Variants in ELP3 observed in about 807,000 individuals in gnomAD.
ELP3 encodes elongator complex protein 3.
Under a neutral mutation model 74.9 loss-of-function variants are expected in ELP3, and 56 were observed. The ratio of observed to expected loss-of-function variants is 0.75; its 90% CI spans 0.60 to 0.93. ELP3 has a LOEUF of 0.93. Ranked by LOEUF, ELP3 falls within the 40% of genes least tolerant of loss-of-function variation. The pLI is 0.00. For missense variants in ELP3, 573 were observed against 686.5 expected, an observed-to-expected ratio of 0.83 and a Z score of 1.85; for synonymous variants, 222 against 239.8, an observed-to-expected ratio of 0.93 and a Z score of 0.68.
chr8:28,163,335 A>T (rs1814175903), intron 14 of ELP3, among the ~76,000 whole-genome samples: 1 of 152,182 alleles, frequency 6.6e-6, no homozygotes, highest in South Asian at 2.1e-4. Flanking sequence ...CTTCTGAGAA[A>T]ATCATCTCTT....
chr8:28,122,710 G>A lies in ELP3; in HGVS notation c.618-6792G>A, dbSNP rs937281933. On this transcript the variant is annotated intron_variant, in intron 7 of 14. Transcript: ENST00000256398. The stretch of plus-strand genomic sequence containing the variant: ...CCCGAGTTAGGGGTTTATCAATTTT[G>A]TTGTTCTTTTCAAAGAAGTAGCTTT... Among the ~76,000 whole-genome samples, 4 of 152,020 alleles carry A rather than the reference G, an allele frequency of 2.6e-5. No individual in the cohort carries two copies. In the South Asian group the frequency reaches 8.3e-4, roughly 32 times the overall value.
rs1008300348 is a variant in ELP3, at chr8:28,189,845, G to A, written c.*120G>A. 1.2e-5 allele frequency: 13 copies of A among 1,084,092 alleles called. No homozygotes were observed. Among genetic ancestry groups the A allele is most frequent in the Admixed American group, 2.1e-5 (1 of 47,034 alleles). 67.2% of individuals were successfully genotyped at this position (1,084,092 alleles called of 1,614,324 possible). A position where few individuals can be genotyped will look rare whatever the true frequency, so the allele number is the denominator to read the frequency against. On this transcript the variant is annotated 3_prime_UTR_variant, in exon 15 of 15. Transcript: ENST00000256398. The stretch of plus-strand genomic sequence containing the variant: ...AAATGGGGGGCTTCACCCTCATCCC[G>A]CAGCTGCAGAGACTGGAAACTGCCT...
rs1329192602 is a variant in ELP3, at chr8:28,110,363, CT to C, written c.394-5del. 6.2e-7 allele frequency: 1 copy of C among 1,612,206 alleles called. No homozygotes were observed. The highest frequency in any genetic ancestry group is 1.7e-5 in the Admixed American group (1 of 59,548). On this transcript the variant is annotated splice_region_variant and splice_polypyrimidine_tract_variant and intron_variant, in intron 5 of 14. Transcript: ENST00000256398. ...AATGTGGGCATAACAATATTTTTCT[CT>C]TCTAGCCAACCTCCATGAGAGCTAT...
intron 14 of ELP3, among the ~76,000 whole-genome samples, chr8:28,172,228 A>G (rs951730077): frequency 6.6e-5 from 10 of 152,094 alleles, no homozygotes; most frequent in Admixed American, 6.6e-4. Flanking sequence ...GAATCTTTAT[A>G]TGGCTTTGGG....
chr8:28,145,879 C>T (rs1813413394), intron 10 of ELP3, among the ~76,000 whole-genome samples: 1 of 152,204 alleles, frequency 6.6e-6, no homozygotes. Context: ...CTGCCTCGGC[C>T]ACCCAAAGTG....
intron 10 of ELP3, among the ~76,000 whole-genome samples, chr8:28,149,181 C>A (rs917714467): frequency 6.6e-6 from 1 of 152,192 alleles, no homozygotes; most frequent in African/African-American, 2.4e-5. Context: ...TAGAGCAGCT[C>A]GAACAGACTC....
intron 10 of ELP3, among the ~76,000 whole-genome samples, chr8:28,141,215 A>G (rs1813225453): frequency 6.6e-6 from 1 of 152,254 alleles, no homozygotes; most frequent in Admixed American, 6.5e-5. Context: ...AGTGAACATT[A>G]TCAGTAATAG....
intron 5 of ELP3, among the ~76,000 whole-genome samples, chr8:28,109,045 TGAGG>T (rs1159020086): frequency 1.3e-5 from 2 of 149,816 alleles, no homozygotes; most frequent in African/African-American, 4.9e-5. Context: ...GTGCAGGGGG[TGAGG>T]GAAGCATGAG....
intron 7 of ELP3, among the ~76,000 whole-genome samples, chr8:28,118,199 C>T (rs925005448): frequency 6.6e-5 from 10 of 152,098 alleles, no homozygotes; most frequent in African/African-American, 2.4e-4. Flanking sequence ...TGTATTGTGA[C>T]CTATGAGTCA....
chr8:28,099,782 C>G, intron 2 of ELP3, 46 bp from the exon 3 acceptor site: 1 of 1,609,856 alleles, frequency 6.2e-7, no homozygotes, highest in Non-Finnish European at 8.5e-7. Context: ...GGTAGCTTGT[C>G]CTTAAATAAC....
intron 1 of ELP3, among the ~76,000 whole-genome samples, chr8:28,095,849 C>T (rs1013421071): frequency 2.6e-5 from 4 of 152,180 alleles, no homozygotes; most frequent in Admixed American, 6.5e-5. Flanking sequence ...CTTCCATCCA[C>T]GCTTTCATTA....
chr8:28,182,909 C>T (rs564378854), intron 14 of ELP3, among the ~76,000 whole-genome samples: 3 of 152,286 alleles, frequency 2.0e-5, no homozygotes, highest in African/African-American at 7.2e-5. Context: ...CCCTGGGTCT[C>T]CTCCGGGTTG....
At chr8:28,126,272 G>C (rs1472979023) in intron 7 of ELP3, among the ~76,000 whole-genome samples, 1 of 152,044 alleles carries the variant, frequency 6.6e-6, no homozygotes, top group African/African-American at 2.4e-5. Context: ...GGTAGCCTTT[G>C]GTTTTTGTTT....
Position 28,113,192 on chromosome 8 carries a change from A to G in ELP3, c.617+19A>G. 3.7e-6 allele frequency: 6 copies of G among 1,607,336 alleles called. No individual in the cohort carries two copies. Among genetic ancestry groups the G allele is most frequent in the Non-Finnish European group, 5.1e-6 (6 of 1,176,498 alleles). ...CAGTCAAGTAAGAAATTCTTATTTT[A>G]TCATAGTCTCCAGAGTGGTTGTCAG... is the stretch of plus-strand genomic sequence containing the variant. On this transcript the variant is annotated intron_variant, in intron 7 of 14. Coordinates refer to ENST00000256398, the MANE Select transcript of ELP3 (RefSeq NM_018091.6).
chr8:28,093,049 G>C (rs1161537639), upstream of ELP3: 1 of 1,139,396 alleles, frequency 8.8e-7, no homozygotes, highest in Non-Finnish European at 1.3e-6. Flanking sequence ...GTTGCAACAC[G>C]GGGCGGGGCG....
At chr8:28,128,370 G>A (rs1214985502) in intron 7 of ELP3, among the ~76,000 whole-genome samples, 1 of 152,122 alleles carries the variant, frequency 6.6e-6, no homozygotes, top group Non-Finnish European at 1.5e-5. Flanking sequence ...TAGCTACTCG[G>A]GAGGCTGAAG....
At chr8:28,149,209 T>C (rs1386260783) in intron 10 of ELP3, among the ~76,000 whole-genome samples, 2 of 152,228 alleles carry the variant, frequency 1.3e-5, no homozygotes, top group African/African-American at 4.8e-5. Flanking sequence ...AGTTTTCTTG[T>C]AAGTTCTTTG....
At chr8:28,164,252 G>C (rs1982441) in intron 14 of ELP3, among the ~76,000 whole-genome samples, 1 of 152,014 alleles carries the variant, frequency 6.6e-6, no homozygotes, top group South Asian at 2.1e-4. Context: ...TATGAGCGGG[G>C]TGATTTCCAT....
intron 3 of ELP3, among the ~76,000 whole-genome samples, chr8:28,106,442 A>G (rs1261153660): frequency 3.4e-5 from 5 of 148,634 alleles, no homozygotes; most frequent in Admixed American, 1.3e-4. Context: ...TGGGAGGCTG[A>G]GGCAGGAGAA....
Sources: gnomAD v4.1 joint callset for allele counts (sites outside exome capture counted in the v4.1 genomes callset) on GRCh38, gnomAD v4.1.1 for gene constraint, MANE v1.5 for transcripts, NCBI Gene and HGNC (gene_info 2026-07-23, HGNC 2026-07-21) for gene names.